The following DNER variants were observed in gnomAD, a reference collection of about 807,000 sequenced individuals.
DNER encodes the protein delta and Notch-like epidermal growth factor-related receptor.
Under a neutral mutation model 78.2 loss-of-function variants are expected in DNER, and 33 were observed. The ratio of observed to expected loss-of-function variants is 0.42; its 90% CI spans 0.32 to 0.56. The LOEUF is 0.56. Among genes scored for constraint, DNER ranks in the 20% least tolerant of loss-of-function variants. The pLI is 0.11. For missense variants in DNER, 918 were observed against 975.3 expected (o/e 0.94, Z 0.78); for synonymous variants, 417 against 384.8 (o/e 1.08, Z -0.98).
chr2:229,525,331 G>C (rs1559157206), intron 5 of DNER, among the ~76,000 whole-genome samples: 1 of 152,158 alleles, frequency 6.6e-6, no homozygotes, highest in African/African-American at 2.4e-5. Flanking sequence ...GAGAGAGACT[G>C]TAAATAAATT....
intron 1 of DNER, among the ~76,000 whole-genome samples, chr2:229,702,360 C>A (rs1699760412): frequency 6.6e-6 from 1 of 151,840 alleles, no homozygotes; most frequent in Admixed American, 6.6e-5. Context: ...TGTGGTGAAA[C>A]CTTGCCTCTA....
At chr2:229,616,957 A>C (rs1273213289) in intron 1 of DNER, among the ~76,000 whole-genome samples, 1 of 152,198 alleles carries the variant, frequency 6.6e-6, no homozygotes. Context: ...GTGCCCTGGA[A>C]AGGTCCTGAA....
intron 8 of DNER, among the ~76,000 whole-genome samples, chr2:229,433,050 C>G (rs1010089179): frequency 1.3e-5 from 2 of 152,122 alleles, no homozygotes; most frequent in African/African-American, 4.8e-5. Context: ...AACAATTCTC[C>G]TGCCTTAGCC....
At chr2:229,594,612 C>A (rs1210054897) in intron 1 of DNER, among the ~76,000 whole-genome samples, 6 of 31,712 alleles carry the variant, frequency 1.9e-4, no homozygotes, top group African/African-American at 2.3e-4. Flanking sequence ...AACAAACAAA[C>A]AAAAAAAAAA....
intron 7 of DNER, among the ~76,000 whole-genome samples, chr2:229,463,366 G>A (rs1046341244): frequency 6.6e-6 from 1 of 152,110 alleles, no homozygotes. Context: ...AATATGAAAG[G>A]AGAAATATTA....
intron 1 of DNER, among the ~76,000 whole-genome samples, chr2:229,673,439 G>A (rs1264217192): frequency 6.6e-6 from 1 of 152,180 alleles, no homozygotes; most frequent in Non-Finnish European, 1.5e-5. Context: ...GGAGGAAGGT[G>A]TCTTCGGAGG....
intron 11 of DNER, among the ~76,000 whole-genome samples, chr2:229,387,509 G>GAGAAAGAAAAGAA (rs1553602523): frequency 1.3e-5 from 1 of 76,128 alleles, no homozygotes; most frequent in Non-Finnish European, 2.7e-5. Context: ...GAAAGAAAGA[G>GAGAAAGAAAAGAA]AGAAAGAAAG....
intron 1 of DNER, among the ~76,000 whole-genome samples, chr2:229,688,916 G>T (rs534505479): frequency 6.6e-6 from 1 of 152,126 alleles, no homozygotes; most frequent in African/African-American, 2.4e-5. Flanking sequence ...GCATGTTCTC[G>T]CTTATTAGTG....
rs1471363256 is a variant in DNER at position 229,714,164 on chromosome 2, G to T, written c.260C>A (p.Ser87Tyr). ...GYSCTCPAGI[S>Y]GANCQLVADP... ...TCCACTCACCTGGCAGTTGGCGCCGGAGATCCCGGCGGGGCAGGTGCAGCT... is the reference window on the plus strand; with the variant it reads ...TCCACTCACCTGGCAGTTGGCGCCGTAGATCCCGGCGGGGCAGGTGCAGCT... Residue 87 changes from serine to tyrosine, a missense_variant, in exon 1 of 13, where the codon TCC (serine) becomes TAC (tyrosine). Coordinates refer to ENST00000341772, the MANE Select transcript of DNER (RefSeq NM_139072.4). 4.5e-6 allele frequency: 6 copies of T among 1,325,504 alleles called. No individual in the cohort carries two copies. Among genetic ancestry groups the T allele is most frequent in the Admixed American group, 4.1e-5 (1 of 24,578 alleles). 82.1% of individuals were successfully genotyped at this position (1,325,504 alleles called of 1,614,324 possible). A position where few individuals can be genotyped will look rare whatever the true frequency, so the allele number is the denominator to read the frequency against.
At chr2:229,549,960 T>G (rs1220225982) in intron 4 of DNER, among the ~76,000 whole-genome samples, 1 of 151,962 alleles carries the variant, frequency 6.6e-6, no homozygotes, top group Non-Finnish European at 1.5e-5. Flanking sequence ...AAATCTTGTG[T>G]ACAATGAAAT....
intron 5 of DNER, among the ~76,000 whole-genome samples, chr2:229,516,838 T>C (rs987116236): frequency 1.4e-5 from 2 of 145,656 alleles, no homozygotes; most frequent in African/African-American, 5.1e-5. Flanking sequence ...CCGGGCACGG[T>C]GGCTCACCCC....
At chr2:229,516,205 C>T (rs1256950588) in intron 5 of DNER, among the ~76,000 whole-genome samples, 1 of 152,186 alleles carries the variant, frequency 6.6e-6, no homozygotes, top group Admixed American at 6.5e-5. Flanking sequence ...AGTTAGATTA[C>T]TCCCTGTCTA....
intron 1 of DNER, among the ~76,000 whole-genome samples, chr2:229,607,599 T>G (rs975734454): frequency 1.3e-5 from 2 of 152,218 alleles, no homozygotes; most frequent in Non-Finnish European, 2.9e-5. Context: ...TAAAGATACA[T>G]GCTTTATTCC....
At chr2:229,459,923 C>T (rs1160288786) in intron 7 of DNER, among the ~76,000 whole-genome samples, 7 of 151,652 alleles carry the variant, frequency 4.6e-5, no homozygotes, top group South Asian at 4.2e-4. Flanking sequence ...TTTGGGAGGC[C>T]GAAGCGGGTG....
chr2:229,384,037 G>C (rs1182894515), intron 11 of DNER, among the ~76,000 whole-genome samples: 1 of 152,138 alleles, frequency 6.6e-6, no homozygotes, highest in Non-Finnish European at 1.5e-5. Context: ...ACATACAAAA[G>C]AATGGAAATC....
At chr2:229,392,099 A>G (rs112455545) in intron 10 of DNER, among the ~76,000 whole-genome samples, 4,469 of 152,222 alleles carry the variant, frequency 0.029, 97 homozygotes, top group African/African-American at 0.059. Context: ...TGCCTCCTAC[A>G]TGCCAGGCAC....
At chr2:229,379,562 G>A (rs1239350292) in intron 11 of DNER, among the ~76,000 whole-genome samples, 1 of 152,074 alleles carries the variant, frequency 6.6e-6, no homozygotes, top group Non-Finnish European at 1.5e-5. Flanking sequence ...TATCCTGTGT[G>A]TTCCTGACTT....
intron 1 of DNER, among the ~76,000 whole-genome samples, chr2:229,619,470 G>C (rs555056515): frequency 6.6e-6 from 1 of 152,096 alleles, no homozygotes; most frequent in South Asian, 2.1e-4. Flanking sequence ...TATATGAAAG[G>C]GAGCAACATG....
At chr2:229,414,180 C>T (rs900631810) in intron 9 of DNER, among the ~76,000 whole-genome samples, 1 of 152,122 alleles carries the variant, frequency 6.6e-6, no homozygotes. Flanking sequence ...AGAAGTTCTA[C>T]CATTTACTGC....
Sources: allele counts gnomAD v4.1 joint callset (sites outside exome capture counted in the v4.1 genomes callset), GRCh38; gene constraint gnomAD v4.1.1; transcripts MANE v1.5; gene names NCBI Gene and HGNC (gene_info 2026-07-23, HGNC 2026-07-21).